TOX: variants seen among roughly 807,000 people sequenced by gnomAD.
TOX encodes the protein thymocyte selection-associated high mobility group box protein TOX.
TOX carries 11 observed loss-of-function variants against 53.7 expected under a neutral mutation model. That is an observed-to-expected ratio of 0.20 (90% CI 0.13 to 0.34). The LOEUF is 0.34. TOX is among the 10% of genes least tolerant of loss of function. The probability of loss-of-function intolerance (pLI) is 1.00; values close to 1 mark genes in which losing one functional copy is unlikely to be tolerated. For synonymous variants in TOX, 225 were observed against 245.3 expected, an observed-to-expected ratio of 0.92 and a Z score of 0.77; for missense variants, 570 against 664.6, an observed-to-expected ratio of 0.86 and a Z score of 1.56.
intron 1 of TOX, among the ~76,000 whole-genome samples, chr8:58,963,620 C>A (rs1812839859): frequency 6.6e-6 from 1 of 152,182 alleles, no homozygotes; most frequent in Non-Finnish European, 1.5e-5. Context: ...TTCATCCCAC[C>A]CACATAATCA....
intron 3 of TOX, among the ~76,000 whole-genome samples, chr8:58,911,524 C>T (rs1355010294): frequency 2.6e-5 from 4 of 151,988 alleles, no homozygotes; most frequent in African/African-American, 9.7e-5. Flanking sequence ...AGAAAATGCA[C>T]AATTTCATAA....
chr8:59,102,508 T>C (rs1301000423), intron 1 of TOX, among the ~76,000 whole-genome samples: 1 of 152,090 alleles, frequency 6.6e-6, no homozygotes, highest in African/African-American at 2.4e-5. Flanking sequence ...GGATTACAGG[T>C]GTGAGCCATT....
chr8:58,845,553 T>G (rs1810706973), intron 4 of TOX, among the ~76,000 whole-genome samples: 1 of 152,164 alleles, frequency 6.6e-6, no homozygotes, highest in Non-Finnish European at 1.5e-5. Context: ...GGGTTTATTA[T>G]TATCTTTAAT....
At chr8:59,085,974 CTTTTCTTTTT>C (rs1804500010) in intron 1 of TOX, among the ~76,000 whole-genome samples, 1 of 105,940 alleles carries the variant, frequency 9.4e-6, no homozygotes, top group African/African-American at 4.6e-5. Flanking sequence ...TTTTTCTTTT[CTTTTCTTTTT>C]TTTTTTTTTT....
Position 59,118,489 on chromosome 8 carries a change from G to GGAGA in TOX, c.102+393_102+396dup, listed in dbSNP as rs1015391313. On this transcript the variant is annotated intron_variant, in intron 1 of 8. Transcript: ENST00000361421. The surrounding 1 kb of genome is among the most constrained non-coding windows in gnomAD (Gnocchi z 4.1). ...GAGCCCCCACTGCCCGGGGAGGGAG[G>GGAGA]GAGAGAGAAGGGGGAACTGGGAAAT... Among the ~76,000 whole-genome samples, 13 of 152,136 alleles carry GGAGA rather than the reference G, an allele frequency of 8.5e-5. No homozygotes were observed. Among genetic ancestry groups the GGAGA allele is most frequent in the African/African-American group, 2.9e-4 (12 of 41,440 alleles).
chr8:59,051,033 T>C (rs1803778995), intron 1 of TOX, among the ~76,000 whole-genome samples: 1 of 152,106 alleles, frequency 6.6e-6, no homozygotes, highest in Non-Finnish European at 1.5e-5. Flanking sequence ...CTCTATGGCA[T>C]AAAAATATCA....
At chr8:58,820,496 A>G (rs1810256143) in intron 6 of TOX, among the ~76,000 whole-genome samples, 1 of 152,140 alleles carries the variant, frequency 6.6e-6, no homozygotes, top group South Asian at 2.1e-4. Flanking sequence ...TGCTGCCTTT[A>G]TTTGGGATAT....
intron 1 of TOX, among the ~76,000 whole-genome samples, chr8:59,007,864 T>C (rs1253212175): frequency 6.6e-6 from 1 of 152,228 alleles, no homozygotes; most frequent in Non-Finnish European, 1.5e-5. Context: ...GGGAAGTTTG[T>C]CTAAGAGCCA....
At chr8:58,963,178 A>T (rs1161810544) in intron 1 of TOX, among the ~76,000 whole-genome samples, 1 of 152,084 alleles carries the variant, frequency 6.6e-6, no homozygotes, top group East Asian at 1.9e-4. Flanking sequence ...TCGGTCTGGA[A>T]CTACACCATC....
intron 3 of TOX, among the ~76,000 whole-genome samples, chr8:58,854,835 T>C (rs1810887503): frequency 6.6e-6 from 1 of 152,190 alleles, no homozygotes; most frequent in Non-Finnish European, 1.5e-5. Flanking sequence ...TTACCTTGTT[T>C]TCCTAAGAGA....
chr8:58,838,573 A>C (rs1159776630), intron 4 of TOX, among the ~76,000 whole-genome samples: 1 of 152,154 alleles, frequency 6.6e-6, no homozygotes, highest in Non-Finnish European at 1.5e-5. Context: ...ACACTATTAA[A>C]TACAACCCCT....
At chr8:59,107,330 T>C (rs1804932274) in intron 1 of TOX, among the ~76,000 whole-genome samples, 1 of 152,146 alleles carries the variant, frequency 6.6e-6, no homozygotes, top group Admixed American at 6.6e-5. Flanking sequence ...TAGTTTCTGT[T>C]GAACATCTAA....
chr8:58,947,141 G>A (rs1300471423), intron 2 of TOX, among the ~76,000 whole-genome samples: 2 of 152,094 alleles, frequency 1.3e-5, no homozygotes, highest in Non-Finnish European at 2.9e-5. Context: ...TTTTAGTCAT[G>A]TAGCATTATT....
At chr8:59,101,739 A>C (rs191356670) in intron 1 of TOX, among the ~76,000 whole-genome samples, 7 of 152,352 alleles carry the variant, frequency 4.6e-5, no homozygotes, top group Admixed American at 4.6e-4. Context: ...AAAAACTTCC[A>C]AAACCAGATT....
intron 3 of TOX, among the ~76,000 whole-genome samples, chr8:58,868,171 T>C (rs774486951): frequency 1.9e-4 from 29 of 152,170 alleles, no homozygotes; most frequent in African/African-American, 7.0e-4. Context: ...ACTGCCACCA[T>C]GTAAGACATG....
At chr8:59,027,094 C>A (rs2129419770) in intron 1 of TOX, among the ~76,000 whole-genome samples, 1 of 152,246 alleles carries the variant, frequency 6.6e-6, no homozygotes, top group South Asian at 2.1e-4. Flanking sequence ...ATGAAAGCTA[C>A]CACCTGCTAG....
intron 1 of TOX, among the ~76,000 whole-genome samples, chr8:58,971,665 T>G (rs1354593471): frequency 7.0e-6 from 1 of 143,782 alleles, no homozygotes; most frequent in African/African-American, 2.6e-5. Context: ...GTCTTTAATA[T>G]GGAAAGTTAT....
intron 1 of TOX, among the ~76,000 whole-genome samples, chr8:59,113,659 T>C (rs1586027686): frequency 1.3e-5 from 2 of 152,038 alleles, no homozygotes; most frequent in Non-Finnish European, 2.9e-5. Context: ...ACAGACCTCC[T>C]AGGTTCAAAT....
intron 1 of TOX, among the ~76,000 whole-genome samples, chr8:59,089,900 G>A (rs1804581219): frequency 6.6e-6 from 1 of 152,194 alleles, no homozygotes; most frequent in Non-Finnish European, 1.5e-5. Context: ...AGAAGTCTGG[G>A]ATGCTAACAC....
Sources: allele counts gnomAD v4.1 joint callset (sites outside exome capture counted in the v4.1 genomes callset), GRCh38; gene constraint gnomAD v4.1.1; non-coding constraint Gnocchi (gnomAD v3.1); transcripts MANE v1.5; gene names NCBI Gene and HGNC (gene_info 2026-07-23, HGNC 2026-07-21).